Variants in SNX24 observed in about 807,000 individuals in gnomAD.
The protein encoded by SNX24 is sorting nexin-24.
Under a neutral mutation model 28.7 loss-of-function variants are expected in SNX24, and 22 were observed. The observed-to-expected ratio is 0.77, with a 90% CI of 0.55 to 1.10. The LOEUF (loss-of-function observed/expected upper bound fraction) is 1.10, where lower values mean the gene tolerates loss of function less well. Ranked by LOEUF, SNX24 falls within the 50% of genes least tolerant of loss-of-function variation. The probability of loss-of-function intolerance (pLI) is 0.00; values close to 1 mark genes in which losing one functional copy is unlikely to be tolerated. For synonymous variants in SNX24, 69 were observed against 71.5 expected (o/e 0.96, Z 0.18); for missense variants, 221 against 201.1 (o/e 1.10, Z -0.60).
intron 2 of SNX24, among the ~76,000 whole-genome samples, chr5:122,938,431 T>A (rs1433175047): frequency 6.6e-6 from 1 of 152,202 alleles, no homozygotes; most frequent in Non-Finnish European, 1.5e-5. Flanking sequence ...GAATAGAAAT[T>A]CACAAATCTC....
chr5:122,877,526 G>T (rs1756278996), intron 1 of SNX24, among the ~76,000 whole-genome samples: 1 of 152,112 alleles, frequency 6.6e-6, no homozygotes, highest in Non-Finnish European at 1.5e-5. Flanking sequence ...ACTGTAGTTG[G>T]TAGCTGAAAT....
chr5:122,933,088 C>T (rs1479794086), intron 1 of SNX24, among the ~76,000 whole-genome samples: 1 of 152,130 alleles, frequency 6.6e-6, no homozygotes, highest in African/African-American at 2.4e-5. Flanking sequence ...TTTGTTCTGG[C>T]ATGTGGTTAA....
At chr5:122,873,040 C>A (rs1175479765) in intron 1 of SNX24, among the ~76,000 whole-genome samples, 1 of 152,104 alleles carries the variant, frequency 6.6e-6, no homozygotes, top group Non-Finnish European at 1.5e-5. Flanking sequence ...GATCATAGCT[C>A]ACTGCAACCT....
chr5:122,971,166 T>A (rs1760942818), intron 3 of SNX24, among the ~76,000 whole-genome samples: 1 of 151,864 alleles, frequency 6.6e-6, no homozygotes, highest in Non-Finnish European at 1.5e-5. Flanking sequence ...ACTTTAAGAG[T>A]CCAAAAGCTG....
intron 3 of SNX24, among the ~76,000 whole-genome samples, chr5:122,999,486 A>G (rs1762168797): frequency 6.6e-6 from 1 of 152,118 alleles, no homozygotes. Context: ...ACATGTATAC[A>G]TAATGTATAT....
chr5:123,024,872 TTACAG>T (rs1762828735), intron 5 of SNX24, among the ~76,000 whole-genome samples: 1 of 152,130 alleles, frequency 6.6e-6, no homozygotes, highest in Non-Finnish European at 1.5e-5. Context: ...TGGACAGACT[TTACAG>T]TAACCAGTTT....
intron 3 of SNX24, among the ~76,000 whole-genome samples, chr5:122,988,393 G>C (rs1336578565): frequency 2.0e-5 from 3 of 152,118 alleles, no homozygotes; most frequent in Non-Finnish European, 2.9e-5. Context: ...CTCAAACTCA[G>C]CTAAGAACTT....
intron 5 of SNX24, 87 bp from the exon 6 acceptor site, chr5:123,001,853 C>A: frequency 7.5e-6 from 8 of 1,065,422 alleles, no homozygotes; most frequent in Non-Finnish European, 1.2e-5. Context: ...CCCCGCACAG[C>A]AGTTTGATCC....
chr5:122,980,253 A>G (rs116040536), intron 3 of SNX24, among the ~76,000 whole-genome samples: 1 of 152,198 alleles, frequency 6.6e-6, no homozygotes, highest in East Asian at 1.9e-4. Context: ...TTTGCCCATA[A>G]TAGCAGAACT....
downstream of SNX24, among the ~76,000 whole-genome samples, chr5:123,010,531 A>G (rs2150183373): frequency 6.6e-6 from 1 of 152,134 alleles, no homozygotes; most frequent in Non-Finnish European, 1.5e-5. Flanking sequence ...TCGTGATCCA[A>G]CCACCTTGGC....
intron 1 of SNX24, among the ~76,000 whole-genome samples, chr5:122,886,536 C>T (rs1239460388): frequency 2.0e-5 from 3 of 152,016 alleles, no homozygotes; most frequent in Admixed American, 6.6e-5. Context: ...TTATTCGGGC[C>T]GGGCGCAGTG....
chr5:123,003,231 T>A (rs1233238012), intron 6 of SNX24, among the ~76,000 whole-genome samples: 1 of 152,050 alleles, frequency 6.6e-6, no homozygotes, highest in Non-Finnish European at 1.5e-5. Context: ...CTAGGAAGGG[T>A]TGAGGGACCC....
At chr5:122,996,713 C>G (rs1054995099) in intron 3 of SNX24, among the ~76,000 whole-genome samples, 1 of 152,186 alleles carries the variant, frequency 6.6e-6, no homozygotes, top group Non-Finnish European at 1.5e-5. Flanking sequence ...AAACTCAGGT[C>G]TTCCTGAAAG....
At chr5:122,929,427 T>A (rs748124164) in intron 1 of SNX24, among the ~76,000 whole-genome samples, 20 of 149,990 alleles carry the variant, frequency 1.3e-4, no homozygotes, top group Non-Finnish European at 2.5e-4. Context: ...ATATTGAGTA[T>A]AGCTCCAATA....
intron 3 of SNX24, among the ~76,000 whole-genome samples, chr5:122,972,111 C>A (rs1444067845): frequency 6.6e-6 from 1 of 152,214 alleles, no homozygotes; most frequent in Non-Finnish European, 1.5e-5. Context: ...CCCCAACCAA[C>A]ACTGTAACTC....
At chr5:122,926,319 G>C (rs1270841447) in intron 1 of SNX24, among the ~76,000 whole-genome samples, 1 of 152,104 alleles carries the variant, frequency 6.6e-6, no homozygotes, top group Non-Finnish European at 1.5e-5. Context: ...TAGGAAGTGA[G>C]GAAGGATCTG....
chr5:122,884,275 A>G (rs1445332536), intron 1 of SNX24, among the ~76,000 whole-genome samples: 2 of 114,962 alleles, frequency 1.7e-5, no homozygotes, highest in Admixed American at 1.1e-4. Context: ...TTTTTTTCAG[A>G]CAGAGTCTCG....
At chr5:122,876,894 T>C (rs1418571275) in intron 1 of SNX24, among the ~76,000 whole-genome samples, 1 of 152,132 alleles carries the variant, frequency 6.6e-6, no homozygotes, top group Admixed American at 6.6e-5. Context: ...GTTAGAAAGA[T>C]AAAATGAACA....
chr5:122,868,448 A>G (rs1201485245), intron 1 of SNX24, among the ~76,000 whole-genome samples: 1 of 152,136 alleles, frequency 6.6e-6, no homozygotes, highest in African/African-American at 2.4e-5. Context: ...GTGGTTATTC[A>G]TAGAGGTAGG....
Sources: gnomAD v4.1 joint callset for allele counts (sites outside exome capture counted in the v4.1 genomes callset) on GRCh38, gnomAD v4.1.1 for gene constraint, MANE v1.5 for transcripts, NCBI Gene and HGNC (gene_info 2026-07-23, HGNC 2026-07-21) for gene names.